KALRN: variants seen among roughly 807,000 people sequenced by gnomAD.
KALRN encodes the protein kalirin RhoGEF kinase.
A neutral mutation model predicts 353.7 loss-of-function variants in KALRN; 70 were observed. The ratio of observed to expected loss-of-function variants is 0.20; its 90% confidence interval spans 0.16 to 0.24. KALRN has a LOEUF of 0.24. Among genes scored for constraint, KALRN ranks in the 10% least tolerant of loss-of-function variants. The probability of loss-of-function intolerance (pLI) is 1.00; values close to 1 mark genes in which losing one functional copy is unlikely to be tolerated. For missense variants in KALRN, 2,791 were observed against 3,756.7 expected, an observed-to-expected ratio of 0.74 and a Z score of 6.72; for synonymous variants, 1,391 against 1,434.8, an observed-to-expected ratio of 0.97 and a Z score of 0.69.
chr3:124,078,070 G>A (rs1459390782), intron 1 of KALRN, among the ~76,000 whole-genome samples: 4 of 152,186 alleles, frequency 2.6e-5, no homozygotes, highest in African/African-American at 9.7e-5. Context: ...CTCTGGCCCC[G>A]GTATTACCTG....
chr3:124,660,383 T>C (rs1253348752), intron 43 of KALRN, among the ~76,000 whole-genome samples: 1 of 152,088 alleles, frequency 6.6e-6, no homozygotes, highest in African/African-American at 2.4e-5. Context: ...CCTTCTCCCA[T>C]AGCTTTGAAA....
chr3:124,563,307 C>T (rs1198806255), intron 34 of KALRN, among the ~76,000 whole-genome samples: 1 of 152,196 alleles, frequency 6.6e-6, no homozygotes, highest in African/African-American at 2.4e-5. Context: ...ATTTAGCCTT[C>T]CTGAGTCAGT....
intron 33 of KALRN, among the ~76,000 whole-genome samples, chr3:124,523,421 C>G (rs566223191): frequency 1.3e-5 from 2 of 152,330 alleles, no homozygotes; most frequent in Non-Finnish European, 2.9e-5. Flanking sequence ...TTCTTCTCCA[C>G]TGGGTATTTT....
At chr3:124,399,228 T>G (rs559155064) in intron 13 of KALRN, among the ~76,000 whole-genome samples, 1 of 152,300 alleles carries the variant, frequency 6.6e-6, no homozygotes, top group South Asian at 2.1e-4. Context: ...AAGCTCCACC[T>G]CTCGGGTTCA....
At chr3:124,475,103 G>T (rs898823794) in intron 26 of KALRN, among the ~76,000 whole-genome samples, 2 of 152,144 alleles carry the variant, frequency 1.3e-5, no homozygotes, top group South Asian at 2.1e-4. Flanking sequence ...GTGGATACAT[G>T]GTAGGTGTAT....
chr3:124,671,648 C>T lies in KALRN; in HGVS notation c.6704-12C>T. ...CCAAAGCTTAGAGTAACCACCTGCT[C>T]TTATCCCACAGCACTGCAATCGCCC... On this transcript the variant is annotated splice_polypyrimidine_tract_variant and intron_variant, in intron 47 of 59. Transcript: ENST00000682506. 1 of 1,594,962 alleles carries T rather than the reference C, an allele frequency of 6.3e-7. No individual in the cohort carries two copies. The highest frequency in any genetic ancestry group is 1.7e-5 in the Admixed American group (1 of 59,956).
At chr3:124,493,811 A>G (rs2108490778) in intron 32 of KALRN, among the ~76,000 whole-genome samples, 1 of 152,340 alleles carries the variant, frequency 6.6e-6, no homozygotes, top group Non-Finnish European at 1.5e-5. Flanking sequence ...CATGGGGCGG[A>G]AGCCCCAAGA....
chr3:124,317,751 G>A (rs539389468), intron 6 of KALRN, among the ~76,000 whole-genome samples: 3 of 151,186 alleles, frequency 2.0e-5, no homozygotes, highest in Non-Finnish European at 2.9e-5. Context: ...CGGGGGCTGG[G>A]GGGGCAGTTG....
At chr3:124,423,251 A>AT (rs1160679087) in intron 15 of KALRN, among the ~76,000 whole-genome samples, 1 of 152,178 alleles carries the variant, frequency 6.6e-6, no homozygotes, top group African/African-American at 2.4e-5. Flanking sequence ...CAGTCACTCA[A>AT]TCTGTTCTTT....
At chr3:124,521,026 G>T (rs2067118603) in intron 33 of KALRN, among the ~76,000 whole-genome samples, 2 of 152,162 alleles carry the variant, frequency 1.3e-5, no homozygotes, top group Non-Finnish European at 1.5e-5. Context: ...CCTCCCACAG[G>T]TGTTCACATC....
At chr3:124,697,885 C>T (rs1033441259) in intron 55 of KALRN, among the ~76,000 whole-genome samples, 161 bp downstream of exon 55, 11 of 152,088 alleles carry the variant, frequency 7.2e-5, no homozygotes, top group Non-Finnish European at 1.5e-4. Flanking sequence ...TGGTCTCAAA[C>T]GCCAGGGCTA....
At chr3:124,346,502 G>T (rs2082274321) in intron 9 of KALRN, among the ~76,000 whole-genome samples, 1 of 152,134 alleles carries the variant, frequency 6.6e-6, no homozygotes, top group African/African-American at 2.4e-5. Context: ...GACTTAGGAT[G>T]CAAACACTTT....
chr3:124,504,850 TTTA>T, intron 33 of KALRN: 1 of 477,932 alleles, frequency 2.1e-6, no homozygotes, highest in Non-Finnish European at 4.3e-6. Flanking sequence ...TGAAATCCAC[TTTA>T]TTATTAGAAT....
rs2042309426 is a variant in KALRN, at chr3:124,065,825, C to A, written c.73+32012C>A. 3.3e-5 allele frequency among the ~76,000 whole-genome samples: 5 copies of A among 152,208 alleles called. No individual in the cohort carries two copies. The South Asian group carries it at 1.0e-3, about 32-fold the overall frequency. ...TGGAATGCTTAGATCAGTATCTAGT[C>A]CATAAAGTCTCAACAACTGTTTTAT... On this transcript the variant is annotated intron_variant, in intron 1 of 59. Transcript: ENST00000682506.
intron 3 of KALRN, among the ~76,000 whole-genome samples, chr3:124,256,405 G>A (rs1035474209): frequency 6.6e-6 from 1 of 152,150 alleles, no homozygotes; most frequent in African/African-American, 2.4e-5. Context: ...AGACAGAGAA[G>A]GCAAATCCAA....
intron 6 of KALRN, among the ~76,000 whole-genome samples, chr3:124,301,345 C>T (rs1183932621): frequency 6.6e-6 from 1 of 152,194 alleles, no homozygotes; most frequent in Non-Finnish European, 1.5e-5. Flanking sequence ...AGGGAAGTAT[C>T]TTCTGGAACT....
intron 1 of KALRN, among the ~76,000 whole-genome samples, chr3:124,149,906 T>A (rs2067862047): frequency 6.6e-6 from 1 of 152,208 alleles, no homozygotes; most frequent in South Asian, 2.1e-4. Context: ...AGAAGTAGAC[T>A]TGGTCTCTGT....
chr3:124,689,321 C>T (rs757232529), intron 51 of KALRN, among the ~76,000 whole-genome samples: 1 of 152,216 alleles, frequency 6.6e-6, no homozygotes, highest in Non-Finnish European at 1.5e-5. Context: ...CTCAGGCAAT[C>T]CTCCCACCTC....
intron 1 of KALRN, among the ~76,000 whole-genome samples, chr3:124,175,465 G>A (rs972731954): frequency 1.7e-4 from 26 of 151,980 alleles, no homozygotes; most frequent in East Asian, 1.9e-4. Context: ...GCGGAGGTGC[G>A]TGCTGCCGAG....
Sources: gnomAD v4.1 joint callset for allele counts (sites outside exome capture counted in the v4.1 genomes callset) on GRCh38, gnomAD v4.1.1 for gene constraint, MANE v1.5 for transcripts, NCBI Gene and HGNC (gene_info 2026-07-23, HGNC 2026-07-21) for gene names.